Variants in SEMA4F observed in about 807,000 individuals in gnomAD.
SEMA4F encodes semaphorin-4F.
In SEMA4F, 51 loss-of-function variants were observed where a neutral mutation model predicts 78.4. The ratio of observed to expected loss-of-function variants is 0.65; its 90% CI spans 0.52 to 0.82. The LOEUF is 0.82. Ranked by LOEUF, SEMA4F falls within the 40% of genes least tolerant of loss-of-function variation. SEMA4F has a pLI of 0.00. For synonymous variants in SEMA4F, 418 were observed against 408.7 expected, an observed-to-expected ratio of 1.02 and a Z score of -0.27; for missense variants, 938 against 1,014.4, an observed-to-expected ratio of 0.92 and a Z score of 1.02.
At chr2:74,706,592 G>A in the SEMA4F span, among the ~76,000 whole-genome samples, 1 of 152,224 alleles carries the variant, frequency 6.6e-6, no homozygotes, top group South Asian at 2.1e-4. Context: ...GTGGCAAGGA[G>A]GAAGAGTAGG....
At chr2:74,662,857 C>A (rs375941680) in intron 5 of SEMA4F, 32 bp downstream of exon 5, 100 of 1,571,892 alleles carry the variant, frequency 6.4e-5, no homozygotes, top group Non-Finnish European at 8.7e-5. Context: ...CCTGTAACTT[C>A]TTGCTAATTG....
At chr2:74,685,007 C>A (rs1157076003), downstream of SEMA4F, among the ~76,000 whole-genome samples, 1 of 152,122 alleles carries the variant, frequency 6.6e-6, no homozygotes, top group African/African-American at 2.4e-5. Flanking sequence ...GGCCTCAGAC[C>A]CTTTTGCTAG....
Position 74,675,008 on chromosome 2 carries a change from T to C in SEMA4F, c.1122T>C (p.Asn374=), listed in dbSNP as rs765176082. ...ACAGAGGACTGCCTGTCGTGGACAA[T>C]GATGTGCCCCAGCCCAGACCTGGAG... ...DCNRGLPVVD[N]DVPQPRPGEC... Residue 374 remains asparagine (N), a synonymous_variant, in exon 9 of 14, where the codon AAT becomes AAC. Coordinates refer to ENST00000357877, the MANE Select transcript of SEMA4F (RefSeq NM_004263.5). 7.4e-6 allele frequency: 12 copies of C among 1,613,874 alleles called. No homozygotes were observed. The South Asian group carries it at 1.3e-4, about 18-fold the overall frequency.
At position 74,682,159 on chromosome 2, in the gene SEMA4F, G is replaced by C. The variant is rs1685651720; in HGVS notation, c.*1950G>C. On this transcript the variant is annotated 3_prime_UTR_variant, in exon 14 of 14. Coordinates refer to ENST00000357877, the MANE Select transcript of SEMA4F (RefSeq NM_004263.5). ...AGGCTGGGCATGGTGGCTTACGCCTGTAATCCCAGCACTTTGGGAGGCCAA... is the reference window on the plus strand; with the variant it reads ...AGGCTGGGCATGGTGGCTTACGCCTCTAATCCCAGCACTTTGGGAGGCCAA... The C allele has an allele frequency of 6.6e-6, 1 of 152,320 alleles. No individual in the cohort carries two copies. The highest frequency in any genetic ancestry group is 2.4e-5 in the African/African-American group (1 of 41,474). 9.4% of individuals were successfully genotyped at this position (152,320 alleles called of 1,614,324 possible). A position where few individuals can be genotyped will look rare whatever the true frequency, so the allele number is the denominator to read the frequency against.
the SEMA4F span, among the ~76,000 whole-genome samples, chr2:74,706,296 C>T: frequency 2.6e-5 from 4 of 152,198 alleles, no homozygotes; most frequent in East Asian, 1.9e-4. Flanking sequence ...CCAGATCTGA[C>T]GCCAAAGAAC....
downstream of SEMA4F, among the ~76,000 whole-genome samples, chr2:74,688,002 C>T (rs1377439875): frequency 6.6e-6 from 1 of 152,152 alleles, no homozygotes; most frequent in Non-Finnish European, 1.5e-5. Flanking sequence ...TAATCATCTA[C>T]TAGATATGAT....
chr2:74,700,502 G>A, the SEMA4F span, among the ~76,000 whole-genome samples: 4 of 152,222 alleles, frequency 2.6e-5, no homozygotes, highest in South Asian at 4.1e-4. Context: ...CTTCAGCCTC[G>A]CAGGCTAGAT....
At chr2:74,655,321 G>T in intron 1 of SEMA4F, 1 of 400,932 alleles carries the variant, frequency 2.5e-6, no homozygotes, top group Non-Finnish European at 5.1e-6. Flanking sequence ...AGATGTGGAA[G>T]AAGCTAGGAG....
chr2:74,654,367 G>C lies in SEMA4F; in HGVS notation c.-10G>C. 6.7e-7 allele frequency: 1 copy of C among 1,487,912 alleles called. No individual in the cohort carries two copies. The highest frequency in any genetic ancestry group is 8.9e-7 in the Non-Finnish European group (1 of 1,126,648). 92.2% of individuals were successfully genotyped at this position (1,487,912 alleles called of 1,614,324 possible). On this transcript the variant is annotated 5_prime_UTR_variant, in exon 1 of 14. Transcript: ENST00000357877. ...GCTTGCGCCGCACCCGCGGCCAGGC[G>C]GAGCCAAAGATGCCGGCCTCTGCTG...
In SEMA4F at chr2:74,675,273, G is replaced by T. The variant is rs768591490; in HGVS notation, c.1261G>T (p.Ala421Ser). 1.2e-6 allele frequency: 2 copies of T among 1,614,186 alleles called. No individual in the cohort carries two copies. The highest frequency in any genetic ancestry group is 1.7e-6 in the Non-Finnish European group (2 of 1,180,044). Residue 421 changes from alanine to serine, a missense_variant, in exon 10 of 14, where the codon GCT (alanine) becomes TCT (serine). Transcript: ENST00000357877. ...HPLMDRPVFP[A>S]DGHPLLVTTD... ...ACTCATGGACAGGCCAGTGTTTCCA[G>T]CTGATGGCCACCCCCTGCTGGTCAC...
intron 13 of SEMA4F, 115 bp downstream of exon 13, chr2:74,679,449 A>G: frequency 6.8e-7 from 1 of 1,480,658 alleles, no homozygotes; most frequent in Admixed American, 1.7e-5. Context: ...TGTGGCAGCC[A>G]GGAACCTCGG....
At chr2:74,668,183 C>CTT (rs10653323) in intron 5 of SEMA4F, among the ~76,000 whole-genome samples, 51,110 of 151,984 alleles carry the variant, frequency 0.34, 13,589 homozygotes, top group East Asian at 0.83. Flanking sequence ...GAGCAGAAGA[C>CTT]TGCTCTTTCT....
intron 12 of SEMA4F, among the ~76,000 whole-genome samples, chr2:74,676,953 G>C (rs936397025): frequency 6.6e-6 from 1 of 152,074 alleles, no homozygotes; most frequent in Non-Finnish European, 1.5e-5. Flanking sequence ...CCAGGCTGGG[G>C]TACAGTGACG....
chr2:74,675,725 C>G, intron 11 of SEMA4F, 24 bp from the exon 12 acceptor site: 10 of 1,613,468 alleles, frequency 6.2e-6, no homozygotes, highest in Non-Finnish European at 8.5e-6. Flanking sequence ...CAGTGTATTC[C>G]CCTTCCCCAC....
At chr2:74,674,179 A>G (rs1685140792) in intron 7 of SEMA4F, among the ~76,000 whole-genome samples, 1 of 152,200 alleles carries the variant, frequency 6.6e-6, no homozygotes, top group South Asian at 2.1e-4. Flanking sequence ...ACTTGTCTAT[A>G]AAAAGAGGAT....
the SEMA4F span, among the ~76,000 whole-genome samples, chr2:74,696,985 G>C: frequency 6.6e-6 from 1 of 152,188 alleles, no homozygotes; most frequent in African/African-American, 2.4e-5. Context: ...CATCTCATAA[G>C]AATGTATATC....
rs1684493542 is a variant in SEMA4F at position 74,662,776 on chromosome 2, G to A, written c.501G>A (p.Arg167=). The A allele has an allele frequency of 6.2e-7, 1 of 1,614,042 alleles. No individual in the cohort carries two copies. The highest frequency in any genetic ancestry group is 1.7e-5 in the Admixed American group (1 of 60,006). The stretch of plus-strand genomic sequence containing the variant: ...AGGTTGAAAGACTTGAGAGTGGCCG[G>A]GGGAAATGTCCTTTTGAGCCAGCTC... ...FQQVERLESG[R]GKCPFEPAQR... The change falls in exon 5 of 14, where the codon CGG becomes CGA. Residue 167 remains arginine, a synonymous_variant. Transcript: ENST00000357877.
chr2:74,679,710 C>T lies in SEMA4F; in HGVS notation c.1814C>T (p.Thr605Ile), dbSNP rs1256710015. ...GTGTGGCACCAGCCCAGTGGAGTGA[C>T]TGCACTCACCCCCCGGCGGGATGGA... The part of the protein sequence containing the change: ...SCVWHQPSGV[T>I]ALTPRRDGLE... Residue 605 changes from threonine (T) to isoleucine (I), a missense_variant, in exon 14 of 14, where the codon ACT becomes ATT. Coordinates refer to ENST00000357877, the MANE Select transcript of SEMA4F (RefSeq NM_004263.5). The T allele has an allele frequency of 3.1e-6, 5 of 1,614,032 alleles. No homozygotes were observed. The African/African-American group carries it at 4.0e-5, about 13-fold the overall frequency.
the SEMA4F span, among the ~76,000 whole-genome samples, chr2:74,702,181 A>G: frequency 6.6e-6 from 1 of 152,152 alleles, no homozygotes; most frequent in East Asian, 1.9e-4. Context: ...GATGATGTCA[A>G]CTCCCCAATT....
Sources: allele counts gnomAD v4.1 joint callset (sites outside exome capture counted in the v4.1 genomes callset), GRCh38; gene constraint gnomAD v4.1.1; transcripts MANE v1.5; gene names NCBI Gene and HGNC (gene_info 2026-07-23, HGNC 2026-07-21).